The following TBCK variants were observed in gnomAD, a reference collection of about 807,000 sequenced individuals.
TBCK encodes the protein TBC1 domain containing kinase, also known as TBC domain-containing protein kinase-like protein.
Under a neutral mutation model 113.4 loss-of-function variants are expected in TBCK, and 99 were observed. The ratio of observed to expected loss-of-function variants is 0.87; its 90% CI spans 0.74 to 1.03. TBCK has a LOEUF of 1.03. TBCK is among the 50% of genes least tolerant of loss of function. The pLI, the probability that TBCK is intolerant of heterozygous loss-of-function variation, is 0.00. For missense variants in TBCK, 1,045 were observed against 1,061.3 expected (o/e 0.98, Z 0.21); for synonymous variants, 369 against 370.8 (o/e 1.00, Z 0.05).
chr4:106,064,267 A>C (rs553338182), intron 25 of TBCK, among the ~76,000 whole-genome samples: 100 of 152,060 alleles, frequency 6.6e-4, no homozygotes, highest in African/African-American at 2.3e-3. Flanking sequence ...TTTTAAACTT[A>C]ATTATTACAT....
intron 3 of TBCK, among the ~76,000 whole-genome samples, chr4:106,294,073 C>A (rs1032604887): frequency 6.6e-6 from 1 of 152,152 alleles, no homozygotes; most frequent in African/African-American, 2.4e-5. Context: ...AAATTCTATC[C>A]AAGCTATGAT....
chr4:106,217,451 T>G (rs999557818), intron 19 of TBCK, among the ~76,000 whole-genome samples: 31 of 152,172 alleles, frequency 2.0e-4, no homozygotes, highest in Non-Finnish European at 8.8e-5. Context: ...GATGACATGA[T>G]TGTATATCTA....
At chr4:106,048,185 T>C (rs976919096) in intron 25 of TBCK, among the ~76,000 whole-genome samples, 2 of 152,104 alleles carry the variant, frequency 1.3e-5, no homozygotes, top group Non-Finnish European at 2.9e-5. Flanking sequence ...ATTTTTTGAA[T>C]AATACTGTCT....
At chr4:106,189,090 A>AT (rs1753365922) in intron 22 of TBCK, among the ~76,000 whole-genome samples, 1 of 152,196 alleles carries the variant, frequency 6.6e-6, no homozygotes, top group African/African-American at 2.4e-5. Flanking sequence ...ATATAAACAA[A>AT]TTAACTACTT....
At chr4:106,197,094 A>G (rs777952688) in intron 20 of TBCK, among the ~76,000 whole-genome samples, 13 of 152,112 alleles carry the variant, frequency 8.5e-5, no homozygotes, top group Non-Finnish European at 1.8e-4. Context: ...AACAAATGAA[A>G]TGAACCCTAA....
At position 106,219,905 on chromosome 4, in the gene TBCK, A is replaced by G. The variant is rs1433259518; in HGVS notation, c.1775-7070T>C. The stretch of plus-strand genomic sequence containing the variant: ...TCACAACTTTCTCCTACAGTAAAGT[A>G]ACATCTATTTTTAAAACCGATTATT... On this transcript the variant is annotated intron_variant, in intron 19 of 25. Transcript: ENST00000394708. Among the ~76,000 whole-genome samples, 6 of 152,234 alleles carry G rather than the reference A, an allele frequency of 3.9e-5. No individual in the cohort carries two copies. In the East Asian group the frequency reaches 1.2e-3, roughly 29 times the overall value.
rs751710947 is a variant in TBCK, at chr4:106,247,279, G to T, written c.791C>A (p.Pro264Gln). The change falls in exon 10 of 26, where the codon CCA (proline) becomes CAA (glutamine). Residue 264 changes from proline to glutamine, a missense_variant. Physicochemically the swap from Pro to Gln is moderately conservative, Grantham distance 76. Coordinates refer to ENST00000394708, the MANE Select transcript of TBCK (RefSeq NM_001163435.3). The stretch of plus-strand genomic sequence containing the variant: ...TACTTTGTCCTTCATTAATTGATCT[G>T]GGGTTGGCCTTGAGAACATTTAAAA... ...LTFHPSKRPT[P>Q]DQLMKDKVFS... The T allele has an allele frequency of 6.2e-7, 1 of 1,611,320 alleles. No homozygotes were observed.
Position 106,251,857 on chromosome 4 carries a change from T to A in TBCK, c.597+9A>T. ...TCCTTTTATTATATTAATATTTCTT[T>A]ATACATACCACACAAAGCTCAAATA... On this transcript the variant is annotated intron_variant, in intron 6 of 25. Coordinates refer to ENST00000394708, the MANE Select transcript of TBCK (RefSeq NM_001163435.3). 1 of 1,559,226 alleles carries A rather than the reference T, an allele frequency of 6.4e-7. No individual in the cohort carries two copies. The highest frequency in any genetic ancestry group is 1.3e-5 in the South Asian group (1 of 78,982).
intron 3 of TBCK, among the ~76,000 whole-genome samples, chr4:106,267,168 G>C (rs942381195): frequency 1.3e-5 from 2 of 151,834 alleles, no homozygotes; most frequent in African/African-American, 4.8e-5. Context: ...AGTAATTATT[G>C]TTACTTCAGG....
chr4:106,181,680 G>C (rs1290474691), intron 22 of TBCK, among the ~76,000 whole-genome samples: 3 of 152,076 alleles, frequency 2.0e-5, no homozygotes, highest in Non-Finnish European at 1.5e-5. Context: ...GATGATTGTA[G>C]ATGTGTGGTG....
At chr4:106,236,574 TTTC>T in intron 13 of TBCK, 55 bp from the exon 14 acceptor site, 2 of 1,361,210 alleles carry the variant, frequency 1.5e-6, no homozygotes, top group South Asian at 2.2e-5. Flanking sequence ...GGTACAAAAT[TTTC>T]TTTTTTTTTC....
At chr4:106,233,483 G>T (rs1237816935) in intron 16 of TBCK, 105 bp downstream of exon 16, 8 of 816,680 alleles carry the variant, frequency 9.8e-6, no homozygotes, top group Non-Finnish European at 1.4e-5. Flanking sequence ...GTATGCAGCA[G>T]TGTCTCTGTA....
intron 10 of TBCK, among the ~76,000 whole-genome samples, chr4:106,246,528 AATATCAGTAACTTAAAT>A (rs1760834462): frequency 6.6e-6 from 1 of 152,164 alleles, no homozygotes; most frequent in Non-Finnish European, 1.5e-5. Context: ...AATTATATAG[AATATCAGTAACTTAAAT>A]AGAAAGGATA....
At chr4:106,113,696 C>A (rs562178009) in intron 24 of TBCK, among the ~76,000 whole-genome samples, 1 of 152,142 alleles carries the variant, frequency 6.6e-6, no homozygotes, top group Non-Finnish European at 1.5e-5. Context: ...CTGGACAGGA[C>A]GCTGAAGAAG....
chr4:106,112,142 C>T (rs769867637), intron 24 of TBCK, among the ~76,000 whole-genome samples: 1 of 152,208 alleles, frequency 6.6e-6, no homozygotes, highest in African/African-American at 2.4e-5. Flanking sequence ...GACTAAAACA[C>T]TCTTTCCCTA....
chr4:106,307,642 T>C (rs945921573), intron 2 of TBCK, among the ~76,000 whole-genome samples: 6 of 152,132 alleles, frequency 3.9e-5, no homozygotes, highest in African/African-American at 1.4e-4. Context: ...TATCACCAAC[T>C]ACATAGGGTT....
intron 3 of TBCK, among the ~76,000 whole-genome samples, chr4:106,269,734 C>T (rs879562413): frequency 2.6e-5 from 4 of 152,046 alleles, no homozygotes; most frequent in Non-Finnish European, 5.9e-5. Context: ...GCTTTAACTC[C>T]AAAATAATCA....
rs1156949006 is a variant in TBCK at position 106,250,439 on chromosome 4, G to A, written c.637C>T (p.Leu213=). The A allele has an allele frequency of 6.4e-7, 1 of 1,567,594 alleles. No individual in the cohort carries two copies. Among genetic ancestry groups the A allele is most frequent in the Non-Finnish European group, 8.7e-7 (1 of 1,148,008 alleles). ...LFQSLDISER[L]KFLLTLDCVD... ...TTACCCAAAGTAAGCAAAAATTTTA[G>A]TCTTTCAGAAATATCCAAGCTCTGA... The change falls in exon 7 of 26, where the codon CTA becomes TTA. Residue 213 remains leucine (L), a synonymous_variant. Transcript: ENST00000394708.
chr4:106,203,558 CAA>C (rs919631048), intron 20 of TBCK, among the ~76,000 whole-genome samples: 2 of 151,282 alleles, frequency 1.3e-5, no homozygotes, highest in Non-Finnish European at 1.5e-5. Context: ...AAAAAAGAAA[CAA>C]ATAAAAAATA....
Sources: gnomAD v4.1 joint callset for allele counts (sites outside exome capture counted in the v4.1 genomes callset) on GRCh38, gnomAD v4.1.1 for gene constraint, MANE v1.5 for transcripts, NCBI Gene and HGNC (gene_info 2026-07-23, HGNC 2026-07-21) for gene names.